Variants in CATSPERT observed in about 807,000 individuals in gnomAD.
CATSPERT encodes cation channel sperm-associated targeting subunit tau.
chr2:201,575,413 G>A, the CATSPERT span: 2 of 1,023,386 alleles, frequency 2.0e-6, no homozygotes, highest in Admixed American at 6.1e-5. Flanking sequence ...CAACCCCTAG[G>A]CCATGGACTG....
At chr2:201,515,293 G>A in the CATSPERT span, among the ~76,000 whole-genome samples, 1 of 127,940 alleles carries the variant, frequency 7.8e-6, no homozygotes, top group Admixed American at 9.8e-5. Flanking sequence ...GGAGCACAGT[G>A]GTGGAATCTC....
the CATSPERT span, among the ~76,000 whole-genome samples, chr2:201,496,215 C>G: frequency 1.3e-5 from 2 of 151,930 alleles, no homozygotes; most frequent in African/African-American, 2.4e-5. Context: ...ACAGCAACTT[C>G]AAGCAGAAAC....
the CATSPERT span, among the ~76,000 whole-genome samples, chr2:201,518,294 T>C: frequency 3.6e-3 from 550 of 152,318 alleles, 3 homozygotes; most frequent in African/African-American, 0.012. Flanking sequence ...TCTGCCCAGA[T>C]AGACCCAATA....
chr2:201,496,270 T>G, the CATSPERT span, among the ~76,000 whole-genome samples: 1 of 152,186 alleles, frequency 6.6e-6, no homozygotes, highest in Non-Finnish European at 1.5e-5. Flanking sequence ...TGTAATCTGA[T>G]TTTTAAAAGG....
the CATSPERT span, chr2:201,491,459 G>A: frequency 2.6e-6 from 4 of 1,536,922 alleles, no homozygotes; most frequent in Non-Finnish European, 3.5e-6. Context: ...ATTTCATCTG[G>A]TTTTATATAA....
chr2:201,549,339 A>T, the CATSPERT span, among the ~76,000 whole-genome samples: 1 of 152,110 alleles, frequency 6.6e-6, no homozygotes, highest in Non-Finnish European at 1.5e-5. Flanking sequence ...AATAACATTA[A>T]TATTAATAAT....
the CATSPERT span, among the ~76,000 whole-genome samples, chr2:201,610,781 T>C: frequency 6.6e-6 from 1 of 152,162 alleles, no homozygotes; most frequent in East Asian, 1.9e-4. Flanking sequence ...ACCATGATCA[T>C]ATGGGATTTA....
the CATSPERT span, chr2:201,575,176 G>C: frequency 1.1e-6 from 1 of 941,460 alleles, no homozygotes; most frequent in East Asian, 2.8e-5. Flanking sequence ...GTAACTAAAA[G>C]AATAAAAACA....
chr2:201,509,362 T>A, the CATSPERT span, among the ~76,000 whole-genome samples: 3 of 150,990 alleles, frequency 2.0e-5, no homozygotes, highest in African/African-American at 5.0e-5. Flanking sequence ...AAGTTCCTTA[T>A]ATATTCTGGA....
chr2:201,578,552 T>C, the CATSPERT span, among the ~76,000 whole-genome samples: 1 of 152,144 alleles, frequency 6.6e-6, no homozygotes, highest in Non-Finnish European at 1.5e-5. Context: ...TTCCAGAATA[T>C]GTATTTGGGT....
At chr2:201,540,681 A>C in the CATSPERT span, among the ~76,000 whole-genome samples, 1 of 152,234 alleles carries the variant, frequency 6.6e-6, no homozygotes. Flanking sequence ...CTGGTCATCC[A>C]AGAGCTCTGA....
the CATSPERT span, chr2:201,491,923 A>G: frequency 5.9e-6 from 9 of 1,536,940 alleles, no homozygotes; most frequent in African/African-American, 1.4e-5. Context: ...CTTAAGCAGT[A>G]TATCTGTAAG....
the CATSPERT span, among the ~76,000 whole-genome samples, chr2:201,532,120 A>G: frequency 6.6e-6 from 1 of 152,184 alleles, no homozygotes; most frequent in African/African-American, 2.4e-5. Flanking sequence ...TTGATGGTGG[A>G]TTGGATATAA....
At chr2:201,491,435 A>ATTT in the CATSPERT span, 1 of 1,537,026 alleles carries the variant, frequency 6.5e-7, no homozygotes, top group Non-Finnish European at 8.7e-7. Context: ...AACTTGGCAC[A>ATTT]TTTTTCACTG....
chr2:201,525,071 A>G, the CATSPERT span, among the ~76,000 whole-genome samples: 9 of 152,198 alleles, frequency 5.9e-5, no homozygotes, highest in Non-Finnish European at 1.2e-4. Context: ...GAAAACTAAC[A>G]AAGATATTCG....
the CATSPERT span, chr2:201,492,702 G>A: frequency 4.4e-4 from 678 of 1,535,082 alleles, 1 homozygote; most frequent in African/African-American, 8.1e-3. Context: ...GATTGAAATT[G>A]TTGACAAAAG....
the CATSPERT span, among the ~76,000 whole-genome samples, chr2:201,583,242 A>G: frequency 1.8e-4 from 28 of 152,244 alleles, no homozygotes; most frequent in African/African-American, 6.5e-4. Flanking sequence ...AACAGAGAAG[A>G]CAAGACATGA....
chr2:201,587,094 T>A, the CATSPERT span, among the ~76,000 whole-genome samples: 1 of 152,130 alleles, frequency 6.6e-6, no homozygotes, highest in African/African-American at 2.4e-5. Flanking sequence ...GAATTAAAAT[T>A]AAACCACCAT....
At chr2:201,592,163 C>A in the CATSPERT span, among the ~76,000 whole-genome samples, 1 of 152,030 alleles carries the variant, frequency 6.6e-6, no homozygotes, top group Middle Eastern at 3.2e-3. Flanking sequence ...ACGTCAATAC[C>A]TAATTTATTG....
Sources: allele counts gnomAD v4.1 joint callset (sites outside exome capture counted in the v4.1 genomes callset), GRCh38; gene constraint gnomAD v4.1.1; transcripts MANE v1.5; gene names NCBI Gene and HGNC (gene_info 2026-07-23, HGNC 2026-07-21).